Variants in SDK1 observed in about 807,000 individuals in gnomAD.
SDK1 encodes the protein sidekick cell adhesion molecule 1.
SDK1 carries 157 observed loss-of-function variants against 245.5 expected under a neutral mutation model. The observed-to-expected ratio is 0.64, with a 90% CI of 0.56 to 0.73. The LOEUF is 0.73. SDK1 is among the 30% of genes least tolerant of loss of function. SDK1 has a pLI of 0.00. For missense variants in SDK1, 3,583 were observed against 3,002.3 expected, an observed-to-expected ratio of 1.19 and a Z score of -4.52; for synonymous variants, 1,647 against 1,278.5, an observed-to-expected ratio of 1.29 and a Z score of -6.15.
At chr7:3,684,775 A>G (rs767492982) in intron 4 of SDK1, among the ~76,000 whole-genome samples, 7 of 149,758 alleles carry the variant, frequency 4.7e-5, no homozygotes, top group Non-Finnish European at 1.0e-4. Flanking sequence ...AAAAAAAAAT[A>G]GAAAATCTTA....
intron 4 of SDK1, among the ~76,000 whole-genome samples, chr7:3,644,874 GA>G (rs1395574536): frequency 6.6e-6 from 1 of 151,022 alleles, no homozygotes; most frequent in Admixed American, 6.6e-5. Flanking sequence ...TTCCAGTGCT[GA>G]CCACAGTATG....
Position 3,665,279 on chromosome 7 carries a change from C to T in SDK1, c.713+23174C>T, listed in dbSNP as rs772639844. Among the ~76,000 whole-genome samples, 78 of 152,300 alleles carry T rather than the reference C, an allele frequency of 5.1e-4. 1 individual carries two copies. Among genetic ancestry groups the T allele is most frequent in the Admixed American group, 1.9e-3 (29 of 15,288 alleles). ...CAGTGATGCCTTGAGCCCCCTCTTT[C>T]ACTATATTTTCCCGTGGCCTCACCT... On this transcript the variant is annotated intron_variant, in intron 4 of 44. Coordinates refer to ENST00000404826, the MANE Select transcript of SDK1 (RefSeq NM_152744.4).
chr7:3,410,328 G>C (rs1203954765), intron 1 of SDK1, among the ~76,000 whole-genome samples: 1 of 151,988 alleles, frequency 6.6e-6, no homozygotes, highest in Admixed American at 6.6e-5. Flanking sequence ...TGTGTGTAAG[G>C]TGTTTATGAA....
At chr7:3,686,031 G>T (rs534375617) in intron 4 of SDK1, among the ~76,000 whole-genome samples, 1 of 152,126 alleles carries the variant, frequency 6.6e-6, no homozygotes, top group African/African-American at 2.4e-5. Context: ...TGACATAAGA[G>T]GACAGAAAGT....
intron 32 of SDK1, among the ~76,000 whole-genome samples, chr7:4,168,436 G>C (rs375274809): frequency 6.6e-6 from 1 of 152,218 alleles, no homozygotes; most frequent in East Asian, 1.9e-4. Context: ...TGTGAGTCCA[G>C]GATCAGTAAT....
chr7:3,801,454 A>G (rs1447175478), intron 4 of SDK1, among the ~76,000 whole-genome samples: 2 of 152,188 alleles, frequency 1.3e-5, no homozygotes, highest in Non-Finnish European at 2.9e-5. Flanking sequence ...TCAGCTGTGC[A>G]TTCTGAGTTC....
chr7:3,389,658 A>G (rs1188783599), intron 1 of SDK1, among the ~76,000 whole-genome samples: 1 of 152,198 alleles, frequency 6.6e-6, no homozygotes, highest in Non-Finnish European at 1.5e-5. Flanking sequence ...CAAGCTACTC[A>G]GGAGGCTGAG....
chr7:4,105,111 T>C (rs1380772322), intron 22 of SDK1, among the ~76,000 whole-genome samples: 1 of 151,966 alleles, frequency 6.6e-6, no homozygotes, highest in Non-Finnish European at 1.5e-5. Flanking sequence ...GCCTCCCAAG[T>C]AGCTGGGATT....
chr7:3,934,929 C>T (rs188987514), intron 5 of SDK1, among the ~76,000 whole-genome samples: 1 of 152,322 alleles, frequency 6.6e-6, no homozygotes, highest in East Asian at 1.9e-4. Context: ...GAGGCAACCC[C>T]AGGGAGACTG....
chr7:3,671,625 G>C (rs1428537024), intron 4 of SDK1, among the ~76,000 whole-genome samples: 3 of 152,258 alleles, frequency 2.0e-5, no homozygotes, highest in East Asian at 3.9e-4. Context: ...TCCAAGTGAA[G>C]AGTGTTTAAA....
At chr7:4,222,670 G>A (rs1434100075) in intron 40 of SDK1, among the ~76,000 whole-genome samples, 1 of 152,176 alleles carries the variant, frequency 6.6e-6, no homozygotes, top group Non-Finnish European at 1.5e-5. Flanking sequence ...CATTTCTTTG[G>A]CTCAATAACT....
rs75178918 is a variant in SDK1, at chr7:3,745,020, C to T, written c.714-76430C>T. Among the ~76,000 whole-genome samples, 536 of 152,178 alleles carry T rather than the reference C, an allele frequency of 3.5e-3. 4 individuals carry two copies. The highest frequency in any genetic ancestry group is 0.017 in the South Asian group (83 of 4,818). On this transcript the variant is annotated intron_variant, in intron 4 of 44. Coordinates refer to ENST00000404826, the MANE Select transcript of SDK1 (RefSeq NM_152744.4). ...AGTAGCAGGTATCAGATTAAACCGG[C>T]CTCCATGTGATGATCATCTGTTAGC...
chr7:3,698,981 G>A (rs1186768859), intron 4 of SDK1, among the ~76,000 whole-genome samples: 1 of 152,174 alleles, frequency 6.6e-6, no homozygotes, highest in Non-Finnish European at 1.5e-5. Flanking sequence ...AGGCCCAGGG[G>A]ACGCTGGAGC....
At chr7:3,721,174 T>C (rs1269399644) in intron 4 of SDK1, among the ~76,000 whole-genome samples, 2 of 152,190 alleles carry the variant, frequency 1.3e-5, no homozygotes, top group South Asian at 2.1e-4. Flanking sequence ...GATGGAACTG[T>C]TCCCTCTCTT....
At chr7:4,202,041 C>G (rs1783916231) in intron 35 of SDK1, among the ~76,000 whole-genome samples, 1 of 152,194 alleles carries the variant, frequency 6.6e-6, no homozygotes, top group Non-Finnish European at 1.5e-5. Context: ...GGCCCACTGT[C>G]ACGTCTCAAA....
chr7:3,949,775 A>G (rs1583610598), intron 5 of SDK1, among the ~76,000 whole-genome samples: 1 of 152,212 alleles, frequency 6.6e-6, no homozygotes, highest in East Asian at 1.9e-4. Context: ...CACCAGAAGT[A>G]CGAGATAAAT....
Position 3,884,933 on chromosome 7 carries a change from C to T in SDK1, c.847+63350C>T, listed in dbSNP as rs77717820. Among the ~76,000 whole-genome samples, 1,069 of 152,292 alleles carry T rather than the reference C, an allele frequency of 7.0e-3. 32 individuals are homozygous for T. The East Asian group carries it at 0.11, about 15-fold the overall frequency. On this transcript the variant is annotated intron_variant, in intron 5 of 44. Coordinates refer to ENST00000404826, the MANE Select transcript of SDK1 (RefSeq NM_152744.4). ...AGGTGGAAGCTTATCCCTTTCTCGC[C>T]ATAAGCGCTGTCACTCCAGAGCGGT...
chr7:3,301,948 C>T (rs1779276746), intron 1 of SDK1, 64 bp downstream of exon 1: 9 of 1,060,858 alleles, frequency 8.5e-6, no homozygotes, highest in Middle Eastern at 4.2e-4. Flanking sequence ...CGAACTTGAG[C>T]AGCGAGAGTG....
chr7:3,600,433 C>A (rs917860451), intron 1 of SDK1, among the ~76,000 whole-genome samples: 1 of 151,770 alleles, frequency 6.6e-6, no homozygotes, highest in African/African-American at 2.4e-5. Flanking sequence ...TATTCAGTGG[C>A]GAGACCTTCC....
Sources: gnomAD v4.1 joint callset for allele counts (sites outside exome capture counted in the v4.1 genomes callset) on GRCh38, gnomAD v4.1.1 for gene constraint, MANE v1.5 for transcripts, NCBI Gene and HGNC (gene_info 2026-07-23, HGNC 2026-07-21) for gene names.